Variants in ERBIN observed in about 807,000 individuals in gnomAD.
The protein encoded by ERBIN is erbb2 interacting protein, also known as densin-180-like protein.
ERBIN carries 60 observed loss-of-function variants against 158.4 expected under a neutral mutation model. The observed-to-expected ratio is 0.38, with a 90% CI of 0.31 to 0.47. The LOEUF is 0.47. ERBIN is among the 20% of genes least tolerant of loss of function. The pLI is 0.99. For missense variants in ERBIN, 1,610 were observed against 1,648.0 expected (o/e 0.98, Z 0.40); for synonymous variants, 594 against 557.2 (o/e 1.07, Z -0.93).
In ERBIN at chr5:66,081,711, A is replaced by G. The variant is rs1227983346; in HGVS notation, c.*3181A>G. ...TTCTAAAGGGAGGCATTAAGATGGG[A>G]AATGTTTCTCTGATGGAGATTGACG... On this transcript the variant is annotated 3_prime_UTR_variant, in exon 26 of 26. Coordinates refer to ENST00000284037, the MANE Select transcript of ERBIN (RefSeq NM_001253697.2). 1.3e-5 allele frequency: 2 copies of G among 152,214 alleles called. No homozygotes were observed. Among genetic ancestry groups the G allele is most frequent in the South Asian group, 2.1e-4 (1 of 4,830 alleles). 9.4% of individuals were successfully genotyped at this position (152,214 alleles called of 1,614,324 possible). A position where few individuals can be genotyped will look rare whatever the true frequency, so the allele number is the denominator to read the frequency against.
chr5:66,057,460 G>A (rs1759718466), intron 21 of ERBIN, among the ~76,000 whole-genome samples: 1 of 151,936 alleles, frequency 6.6e-6, no homozygotes, highest in African/African-American at 2.4e-5. Context: ...TGTGCAATAG[G>A]TTATTTTATG....
At chr5:65,998,472 GTATTT>G (rs1357788382) in intron 4 of ERBIN, among the ~76,000 whole-genome samples, 1 of 151,768 alleles carries the variant, frequency 6.6e-6, no homozygotes, top group Non-Finnish European at 1.5e-5. Context: ...AGATAGTACT[GTATTT>G]TATTTTACCT....
Position 65,938,916 on chromosome 5 carries a change from C to T in ERBIN, c.-58+12110C>T, listed in dbSNP as rs371106744. Among the ~76,000 whole-genome samples, 41 of 152,246 alleles carry T rather than the reference C, an allele frequency of 2.7e-4. No homozygotes were observed. In the East Asian group the frequency reaches 5.6e-3, roughly 21 times the overall value. On this transcript the variant is annotated intron_variant, in intron 1 of 25. Transcript: ENST00000284037. ...CTCTTCTGCCCCTTGAAGGTGTCAT[C>T]AGTCATATGAGAATGGCCTCTTCAA...
At chr5:66,019,587 C>T (rs1351603064) in intron 7 of ERBIN, among the ~76,000 whole-genome samples, 1 of 152,158 alleles carries the variant, frequency 6.6e-6, no homozygotes, top group Admixed American at 6.5e-5. Context: ...AGTATAGCCA[C>T]AGTTGTCAGT....
intron 25 of ERBIN, among the ~76,000 whole-genome samples, chr5:66,078,129 C>T (rs1167472609): frequency 6.6e-6 from 1 of 152,128 alleles, no homozygotes; most frequent in Non-Finnish European, 1.5e-5. Context: ...AGTTTGGTCA[C>T]CTCAGATACA....
At chr5:65,927,879 GTGT>G (rs1742858543) in intron 1 of ERBIN, among the ~76,000 whole-genome samples, 1 of 152,102 alleles carries the variant, frequency 6.6e-6, no homozygotes, top group Non-Finnish European at 1.5e-5. Context: ...TTTTTCAGTG[GTGT>G]TTTAGTCTTT....
chr5:65,990,227 T>C (rs967541512), intron 2 of ERBIN, among the ~76,000 whole-genome samples: 1 of 152,194 alleles, frequency 6.6e-6, no homozygotes, highest in African/African-American at 2.4e-5. Context: ...TATTATATAT[T>C]GAGAAGCAGT....
chr5:66,065,464 T>G (rs1005215414), intron 21 of ERBIN, among the ~76,000 whole-genome samples: 1 of 152,178 alleles, frequency 6.6e-6, no homozygotes, highest in Non-Finnish European at 1.5e-5. Flanking sequence ...ACCAAACATT[T>G]GTACCTAGAT....
chr5:66,076,536 C>G (rs1762001196), intron 24 of ERBIN, 128 bp downstream of exon 24: 4 of 738,644 alleles, frequency 5.4e-6, no homozygotes, highest in Non-Finnish European at 6.8e-6. Context: ...ATTCCCCACT[C>G]TATTGCTTAC....
At position 65,957,857 on chromosome 5, in the gene ERBIN, A is replaced by C. The variant is rs958291311; in HGVS notation, c.-57-30778A>C. Among the ~76,000 whole-genome samples, 414 of 150,252 alleles carry C rather than the reference A, an allele frequency of 2.8e-3. 5 individuals carry two copies. Among genetic ancestry groups the C allele is most frequent in the Non-Finnish European group, 2.0e-3 (135 of 67,602 alleles). ...CGGGCGGAGGGGCTCCTCACTTCTC[A>C]GACGGGGCGGCTGCCGGGCGGAGGC... On this transcript the variant is annotated intron_variant, in intron 1 of 25. Coordinates refer to ENST00000284037, the MANE Select transcript of ERBIN (RefSeq NM_001253697.2).
intron 4 of ERBIN, among the ~76,000 whole-genome samples, chr5:66,006,773 A>G (rs1753647890): frequency 6.6e-6 from 1 of 152,158 alleles, no homozygotes; most frequent in Admixed American, 6.5e-5. Context: ...TATGCAGCCA[A>G]AAAACACATG....
chr5:66,009,789 C>CT (rs1362191073), intron 4 of ERBIN, among the ~76,000 whole-genome samples: 2 of 152,122 alleles, frequency 1.3e-5, no homozygotes, highest in Non-Finnish European at 2.9e-5. Context: ...ATTTTATCAT[C>CT]TTTTTATTAA....
chr5:66,013,863 CA>C (rs1436345288), intron 6 of ERBIN, among the ~76,000 whole-genome samples: 5 of 151,960 alleles, frequency 3.3e-5, no homozygotes, highest in Admixed American at 6.6e-5. Flanking sequence ...CTTAGGTGGC[CA>C]AAACAGGGCG....
chr5:65,951,743 T>C (rs779707648), intron 1 of ERBIN, among the ~76,000 whole-genome samples: 1 of 152,200 alleles, frequency 6.6e-6, no homozygotes, highest in Non-Finnish European at 1.5e-5. Context: ...TAGACTGTGG[T>C]TACAGTTATA....
intron 1 of ERBIN, among the ~76,000 whole-genome samples, chr5:65,965,372 G>GGTTT (rs1748448508): frequency 1.8e-5 from 2 of 113,852 alleles, no homozygotes; most frequent in African/African-American, 6.4e-5. Context: ...TACCAGATTT[G>GGTTT]TTTTTTGTTG....
chr5:66,041,222 CAAT>C (rs1242782341), intron 15 of ERBIN, among the ~76,000 whole-genome samples: 1 of 151,848 alleles, frequency 6.6e-6, no homozygotes, highest in Middle Eastern at 3.2e-3. Flanking sequence ...AGTTTACCAG[CAAT>C]AATAAGGAAT....
Position 66,080,155 on chromosome 5 carries a change from G to A in ERBIN, c.*1625G>A, listed in dbSNP as rs1762321682. The A allele has an allele frequency of 6.6e-6, 1 of 152,448 alleles. No homozygotes were observed. The highest frequency in any genetic ancestry group is 1.5e-5 in the Non-Finnish European group (1 of 67,962). 9.4% of individuals were successfully genotyped at this position (152,448 alleles called of 1,614,324 possible). ...TTGATTTTAATTAAGACTTTTATAA[G>A]ACTAGCTTAAAACACCAACCAACAT... On this transcript the variant is annotated 3_prime_UTR_variant, in exon 26 of 26. Transcript: ENST00000284037.
chr5:66,074,128 A>G (rs1469243618), intron 22 of ERBIN, among the ~76,000 whole-genome samples: 7 of 147,808 alleles, frequency 4.7e-5, no homozygotes, highest in Non-Finnish European at 3.0e-5. Context: ...GGCCTGAAGC[A>G]ATCCTCCTGT....
Position 66,067,252 on chromosome 5 carries a change from A to G in ERBIN, c.3634-4917A>G, listed in dbSNP as rs555023558. Reference sequence around the variant, plus strand: ...GATTTCACAGAATAACTGGAAGTGTACATGGTAATTTTATAGATCTTTTTC... The same window carrying G: ...GATTTCACAGAATAACTGGAAGTGTGCATGGTAATTTTATAGATCTTTTTC... On this transcript the variant is annotated intron_variant, in intron 21 of 25. Transcript: ENST00000284037. Among the ~76,000 whole-genome samples, 5 of 152,334 alleles carry G rather than the reference A, an allele frequency of 3.3e-5. No homozygotes were observed. In the South Asian group the frequency reaches 1.0e-3, roughly 32 times the overall value.
Sources: gnomAD v4.1 joint callset for allele counts (sites outside exome capture counted in the v4.1 genomes callset) on GRCh38, gnomAD v4.1.1 for gene constraint, MANE v1.5 for transcripts, NCBI Gene and HGNC (gene_info 2026-07-23, HGNC 2026-07-21) for gene names.